Variants in SIPA1L1 observed in about 807,000 individuals in gnomAD.
SIPA1L1 encodes signal-induced proliferation-associated 1-like protein 1.
In SIPA1L1, 26 loss-of-function variants were observed where a neutral mutation model predicts 162.7. The observed-to-expected ratio is 0.16, with a 90% CI of 0.12 to 0.22. The LOEUF (loss-of-function observed/expected upper bound fraction) is 0.22, where lower values mean the gene tolerates loss of function less well. Ranked by LOEUF, SIPA1L1 falls within the 10% of genes least tolerant of loss-of-function variation. The pLI, the probability that SIPA1L1 is intolerant of heterozygous loss-of-function variation, is 1.00. For missense variants in SIPA1L1, 1,874 were observed against 2,241.0 expected, an observed-to-expected ratio of 0.84 and a Z score of 3.31; for synonymous variants, 829 against 837.4, an observed-to-expected ratio of 0.99 and a Z score of 0.17.
intron 4 of SIPA1L1, among the ~76,000 whole-genome samples, chr14:71,545,265 T>C (rs1267388421): frequency 6.6e-6 from 1 of 152,232 alleles, no homozygotes; most frequent in African/African-American, 2.4e-5. Flanking sequence ...CAATTAGATT[T>C]TGACTGGGAT....
chr14:71,446,931 A>C (rs568246060), intron 2 of SIPA1L1, among the ~76,000 whole-genome samples: 2 of 25,912 alleles, frequency 7.7e-5, no homozygotes, highest in African/African-American at 3.1e-4. Flanking sequence ...TTTTTTTTTG[A>C]GACAGGCCCT....
chr14:71,441,881 A>C (rs939627910), intron 2 of SIPA1L1, among the ~76,000 whole-genome samples: 11 of 152,098 alleles, frequency 7.2e-5, no homozygotes, highest in Non-Finnish European at 1.2e-4. Context: ...GGAGTAACTT[A>C]AAATGTATGG....
intron 2 of SIPA1L1, among the ~76,000 whole-genome samples, chr14:71,360,621 T>C (rs1303986183): frequency 6.6e-6 from 1 of 152,256 alleles, no homozygotes; most frequent in Non-Finnish European, 1.5e-5. Context: ...AAAGTATTTA[T>C]GTCTTTCTCT....
chr14:71,677,428 G>A (rs1224960227), intron 12 of SIPA1L1, among the ~76,000 whole-genome samples: 1 of 152,190 alleles, frequency 6.6e-6, no homozygotes, highest in Non-Finnish European at 1.5e-5. Context: ...TAGGTTGCCT[G>A]TTCACTCTGA....
intron 4 of SIPA1L1, among the ~76,000 whole-genome samples, chr14:71,580,573 T>C (rs1278383611): frequency 6.6e-6 from 1 of 152,238 alleles, no homozygotes; most frequent in African/African-American, 2.4e-5. Flanking sequence ...TAAATACTGC[T>C]AATCTTATAA....
intron 12 of SIPA1L1, among the ~76,000 whole-genome samples, chr14:71,682,464 G>T (rs1236621437): frequency 1.3e-5 from 2 of 152,160 alleles, no homozygotes; most frequent in East Asian, 3.8e-4. Context: ...GCCACAAAAG[G>T]CAATCAGAAA....
intron 5 of SIPA1L1, among the ~76,000 whole-genome samples, chr14:71,593,107 T>C (rs1367672765): frequency 2.6e-5 from 4 of 152,226 alleles, no homozygotes; most frequent in African/African-American, 7.2e-5. Context: ...ATCCTCCTTA[T>C]GGAGGCACAG....
intron 2 of SIPA1L1, among the ~76,000 whole-genome samples, chr14:71,411,718 G>C (rs560612444): frequency 1.3e-5 from 2 of 152,186 alleles, no homozygotes; most frequent in Admixed American, 1.3e-4. Context: ...CTGGTGCTTT[G>C]GGGTACGAGC....
intron 6 of SIPA1L1, 89 bp from the exon 7 acceptor site, chr14:71,623,959 G>A: frequency 9.4e-7 from 1 of 1,067,574 alleles, no homozygotes; most frequent in Non-Finnish European, 1.3e-6. Context: ...TCTGTGAGGA[G>A]CCCCACAGTT....
chr14:71,523,645 T>C (rs548883381), intron 3 of SIPA1L1, among the ~76,000 whole-genome samples: 22 of 152,302 alleles, frequency 1.4e-4, no homozygotes, highest in Non-Finnish European at 2.9e-4. Flanking sequence ...TAACCTGTGG[T>C]GTTTGTCAAA....
chr14:71,454,593 GT>G (rs2046057151), intron 2 of SIPA1L1, among the ~76,000 whole-genome samples: 1 of 152,140 alleles, frequency 6.6e-6, no homozygotes, highest in Admixed American at 6.5e-5. Flanking sequence ...GGAGAAGGTG[GT>G]CTTGGAACTA....
chr14:71,549,144 C>T (rs1271444033), intron 4 of SIPA1L1, among the ~76,000 whole-genome samples: 1 of 152,098 alleles, frequency 6.6e-6, no homozygotes, highest in South Asian at 2.1e-4. Context: ...ATTTGGAATG[C>T]GTTTTTCAAG....
intron 17 of SIPA1L1, among the ~76,000 whole-genome samples, chr14:71,715,672 T>C (rs2083215645): frequency 6.6e-6 from 1 of 152,192 alleles, no homozygotes; most frequent in Admixed American, 6.5e-5. Flanking sequence ...AGACCAAAGG[T>C]TTTTTGTCAT....
chr14:71,707,104 C>T (rs2082503747), intron 16 of SIPA1L1, among the ~76,000 whole-genome samples: 1 of 151,700 alleles, frequency 6.6e-6, no homozygotes, highest in African/African-American at 2.4e-5. Context: ...AGAGCCTGCT[C>T]CTTCCTCTAC....
intron 2 of SIPA1L1, among the ~76,000 whole-genome samples, chr14:71,439,462 G>A (rs1369131566): frequency 1.3e-5 from 2 of 152,078 alleles, no homozygotes; most frequent in Non-Finnish European, 2.9e-5. Context: ...AAAGCATCAA[G>A]GTCAAAATAT....
At chr14:71,723,221 C>T (rs1034597111) in intron 17 of SIPA1L1, among the ~76,000 whole-genome samples, 5 of 152,194 alleles carry the variant, frequency 3.3e-5, no homozygotes, top group Non-Finnish European at 7.3e-5. Flanking sequence ...AGTCTCCTCT[C>T]CCCTCCTCAG....
intron 3 of SIPA1L1, among the ~76,000 whole-genome samples, chr14:71,523,378 A>G (rs1468233835): frequency 2.6e-5 from 4 of 151,652 alleles, no homozygotes; most frequent in African/African-American, 7.3e-5. Context: ...TTTTGACATA[A>G]TCTCAGAGTT....
At chr14:71,559,793 A>G (rs1260790699) in intron 4 of SIPA1L1, among the ~76,000 whole-genome samples, 1 of 151,538 alleles carries the variant, frequency 6.6e-6, no homozygotes, top group Non-Finnish European at 1.5e-5. Context: ...AACTATTGAA[A>G]AAATAAGTTT....
rs535002785 is a variant in SIPA1L1, at chr14:71,428,370, G to T, written c.-464-84373G>T. On this transcript the variant is annotated intron_variant, in intron 2 of 23. Coordinates refer to ENST00000381232, the MANE Select transcript of SIPA1L1 (RefSeq NM_001386936.1). ...TTCTCCCCCTTCCTTATGATTTGCG[G>T]TTTTTTTTTTCTTTTTTACTGGTTT... Among the ~76,000 whole-genome samples the T allele has an allele frequency of 2.8e-4, 41 of 147,512 alleles. No individual in the cohort carries two copies. In the South Asian group the frequency reaches 4.6e-3, roughly 16 times the overall value.
Sources: allele counts gnomAD v4.1 joint callset (sites outside exome capture counted in the v4.1 genomes callset), GRCh38; gene constraint gnomAD v4.1.1; transcripts MANE v1.5; gene names NCBI Gene and HGNC (gene_info 2026-07-23, HGNC 2026-07-21).